Variants in CSMD1 observed in about 807,000 individuals in gnomAD.
CSMD1 encodes CUB and Sushi multiple domains 1, also known as CUB and sushi domain-containing protein 1.
Under a neutral mutation model 417.5 loss-of-function variants are expected in CSMD1, and 213 were observed. The ratio of observed to expected loss-of-function variants is 0.51; its 90% CI spans 0.46 to 0.57. The LOEUF is 0.57. Ranked by LOEUF, CSMD1 falls within the 20% of genes least tolerant of loss-of-function variation. The pLI is 0.00. For synonymous variants in CSMD1, 2,862 were observed against 1,736.8 expected, an observed-to-expected ratio of 1.65 and a Z score of -16.11; for missense variants, 6,923 against 4,529.7, an observed-to-expected ratio of 1.53 and a Z score of -15.17.
In CSMD1 at chr8:3,932,075, C is replaced by G. The variant is rs1028204290; in HGVS notation, c.818+65828G>C. Among the ~76,000 whole-genome samples the G allele has an allele frequency of 2.0e-5, 3 of 150,240 alleles. 1 individual carries two copies. Among genetic ancestry groups the G allele is most frequent in the Non-Finnish European group, 4.4e-5 (3 of 67,490 alleles). ...AGAGTAGGATTCAATATAAACATAT[C>G]TATTGGAATGACACACATCCAGAAT... On this transcript the variant is annotated intron_variant, in intron 5 of 69. Transcript: ENST00000635120.
chr8:4,200,780 T>C (rs1235807598), intron 3 of CSMD1, among the ~76,000 whole-genome samples: 1 of 152,216 alleles, frequency 6.6e-6, no homozygotes, highest in African/African-American at 2.4e-5. Context: ...GAGGATTTGT[T>C]AATGGAGACG....
At chr8:4,136,028 A>G (rs1268153700) in intron 3 of CSMD1, among the ~76,000 whole-genome samples, 1 of 152,206 alleles carries the variant, frequency 6.6e-6, no homozygotes, top group Non-Finnish European at 1.5e-5. Flanking sequence ...TATTATGGGT[A>G]AAAACCAAAG....
chr8:3,133,396 T>C (rs539761673), intron 41 of CSMD1, among the ~76,000 whole-genome samples: 58 of 152,324 alleles, frequency 3.8e-4, no homozygotes, highest in Admixed American at 2.8e-3. Context: ...CAGTCTCTCC[T>C]GAAAGAGCTT....
Position 4,050,761 on chromosome 8 carries a change from T to C in CSMD1, c.416-18662A>G, listed in dbSNP as rs149281982. Among the ~76,000 whole-genome samples the C allele has an allele frequency of 2.1e-3, 314 of 152,224 alleles. 1 individual carries two copies. The highest frequency in any genetic ancestry group is 6.9e-3 in the African/African-American group (288 of 41,502). Reference sequence around the variant, plus strand: ...AGTCACTAAACTATAAATGCCCTAATTGACCAAGTGTATAAAATTCAGAGT... The same window carrying C: ...AGTCACTAAACTATAAATGCCCTAACTGACCAAGTGTATAAAATTCAGAGT... On this transcript the variant is annotated intron_variant, in intron 3 of 69. Transcript: ENST00000635120.
intron 1 of CSMD1, among the ~76,000 whole-genome samples, chr8:4,731,057 G>A (rs896143035): frequency 4.6e-5 from 7 of 152,122 alleles, no homozygotes; most frequent in African/African-American, 1.7e-4. Context: ...GAGGGTCTGT[G>A]GGTCTTGACT....
chr8:4,794,752 C>G (rs1797882634), intron 1 of CSMD1, among the ~76,000 whole-genome samples: 1 of 152,136 alleles, frequency 6.6e-6, no homozygotes, highest in Non-Finnish European at 1.5e-5. Context: ...ATTATTGAGC[C>G]ATTTGAATTC....
Position 3,870,078 on chromosome 8 carries a change from GATT to G in CSMD1, c.819-116039_819-116037del, listed in dbSNP as rs563757910. On this transcript the variant is annotated intron_variant, in intron 5 of 69. Coordinates refer to ENST00000635120, the MANE Select transcript of CSMD1 (RefSeq NM_033225.6). ...TGTAAGCATACCCTCTGGGTATAAT[GATT>G]ATTAAGTTATCTACTAATAACATGC... 1.8e-3 allele frequency among the ~76,000 whole-genome samples: 279 copies of G among 152,246 alleles called. 1 individual carries two copies. Among genetic ancestry groups the G allele is most frequent in the Non-Finnish European group, 1.7e-3 (115 of 68,006 alleles).
intron 7 of CSMD1, among the ~76,000 whole-genome samples, chr8:3,698,278 T>C (rs1321287203): frequency 6.6e-6 from 1 of 152,212 alleles, no homozygotes; most frequent in Admixed American, 6.5e-5. Context: ...ATGAAGCATT[T>C]TTTACAATCT....
intron 3 of CSMD1, among the ~76,000 whole-genome samples, chr8:4,232,102 C>G (rs184286111): frequency 6.6e-6 from 1 of 152,308 alleles, no homozygotes; most frequent in African/African-American, 2.4e-5. Flanking sequence ...CACATTCATG[C>G]TTCTGATACT....
intron 1 of CSMD1, among the ~76,000 whole-genome samples, chr8:4,730,328 G>A (rs772500930): frequency 6.6e-6 from 1 of 152,288 alleles, no homozygotes; most frequent in African/African-American, 2.4e-5. Flanking sequence ...TCAAAGAAAT[G>A]TTGCAGGCTA....
chr8:3,814,735 G>C (rs938944814), intron 5 of CSMD1, among the ~76,000 whole-genome samples: 4 of 152,066 alleles, frequency 2.6e-5, no homozygotes, highest in Non-Finnish European at 5.9e-5. Context: ...CTTAACTTAG[G>C]TATGAATCCA....
chr8:4,545,776 T>C (rs950093457), intron 2 of CSMD1, among the ~76,000 whole-genome samples: 7 of 152,216 alleles, frequency 4.6e-5, no homozygotes, highest in South Asian at 2.1e-4. Flanking sequence ...CCTGGAATCA[T>C]GCACCATGTT....
chr8:4,854,760 C>A (rs537747697), intron 1 of CSMD1, among the ~76,000 whole-genome samples: 18 of 152,298 alleles, frequency 1.2e-4, no homozygotes, highest in Middle Eastern at 3.4e-3. Flanking sequence ...CTCGGAGGGT[C>A]CTACACCCAC....
At chr8:3,363,236 G>A (rs990252634) in intron 20 of CSMD1, among the ~76,000 whole-genome samples, 2 of 152,136 alleles carry the variant, frequency 1.3e-5, no homozygotes, top group Non-Finnish European at 2.9e-5. Flanking sequence ...TAAAGAATGA[G>A]CGTACTCTCC....
chr8:3,442,386 T>C (rs1295677862), intron 12 of CSMD1, among the ~76,000 whole-genome samples: 1 of 152,186 alleles, frequency 6.6e-6, no homozygotes, highest in Non-Finnish European at 1.5e-5. Flanking sequence ...CCAGAACAAC[T>C]TCCCATCCTG....
At chr8:4,304,005 G>A (rs2128875065) in intron 3 of CSMD1, among the ~76,000 whole-genome samples, 1 of 152,198 alleles carries the variant, frequency 6.6e-6, no homozygotes, top group Non-Finnish European at 1.5e-5. Flanking sequence ...ATGATGTCTA[G>A]GAAGCGTCCA....
rs73187242 is a variant in CSMD1 at position 3,731,893 on chromosome 8, G to C, written c.931+22037C>G. Among the ~76,000 whole-genome samples, 25 of 152,262 alleles carry C rather than the reference G, an allele frequency of 1.6e-4. No individual in the cohort carries two copies. The South Asian group carries it at 5.2e-3, about 32-fold the overall frequency. ...GAGGAAACTAAAGCTTAGAGCAGTTGAATAATGTGACCTTAGTGGTTTTGG... is the reference window on the plus strand; with the variant it reads ...GAGGAAACTAAAGCTTAGAGCAGTTCAATAATGTGACCTTAGTGGTTTTGG... On this transcript the variant is annotated intron_variant, in intron 6 of 69. Coordinates refer to ENST00000635120, the MANE Select transcript of CSMD1 (RefSeq NM_033225.6).
intron 3 of CSMD1, among the ~76,000 whole-genome samples, chr8:4,200,202 T>C (rs999585864): frequency 6.6e-5 from 10 of 152,218 alleles, no homozygotes; most frequent in Admixed American, 2.6e-4. Flanking sequence ...CAGTTAAATG[T>C]TATGTTATGA....
At chr8:4,420,453 G>C (rs1797183780) in intron 2 of CSMD1, among the ~76,000 whole-genome samples, 1 of 151,984 alleles carries the variant, frequency 6.6e-6, no homozygotes, top group Non-Finnish European at 1.5e-5. Flanking sequence ...CGTCATGGTG[G>C]TTTGCTGCAC....
Sources: gnomAD v4.1 joint callset for allele counts (sites outside exome capture counted in the v4.1 genomes callset) on GRCh38, gnomAD v4.1.1 for gene constraint, MANE v1.5 for transcripts, NCBI Gene and HGNC (gene_info 2026-07-23, HGNC 2026-07-21) for gene names.